MYCBP2: variants seen among roughly 807,000 people sequenced by gnomAD.
MYCBP2 encodes the protein MYC binding protein 2.
MYCBP2 carries 120 observed loss-of-function variants against 525.3 expected under a neutral mutation model. The observed-to-expected ratio is 0.23, with a 90% CI of 0.20 to 0.27. The LOEUF is 0.27. Ranked by LOEUF, MYCBP2 falls within the 10% of genes least tolerant of loss-of-function variation. MYCBP2 has a pLI of 1.00. For missense variants in MYCBP2, 4,149 were observed against 5,657.1 expected, an observed-to-expected ratio of 0.73 and a Z score of 8.55; for synonymous variants, 1,894 against 1,955.8, an observed-to-expected ratio of 0.97 and a Z score of 0.83.
intron 24 of MYCBP2, 112 bp from the exon 25 acceptor site, chr13:77,205,710 C>T (rs2063247556): frequency 2.3e-6 from 2 of 878,694 alleles, no homozygotes; most frequent in African/African-American, 3.4e-5. Context: ...CAGAATGTTA[C>T]TCCAAGCTTT....
At chr13:77,289,826 A>C (rs1236587786) in intron 2 of MYCBP2, among the ~76,000 whole-genome samples, 1 of 152,232 alleles carries the variant, frequency 6.6e-6, no homozygotes, top group Non-Finnish European at 1.5e-5. Context: ...AATAGTATGC[A>C]GATTTAACAA....
At chr13:77,254,760 C>G (rs2071862767) in intron 14 of MYCBP2, among the ~76,000 whole-genome samples, 1 of 151,890 alleles carries the variant, frequency 6.6e-6, no homozygotes, top group Non-Finnish European at 1.5e-5. Flanking sequence ...TCCTCTCCCC[C>G]TCCCACTATC....
intron 44 of MYCBP2, among the ~76,000 whole-genome samples, chr13:77,158,571 T>C (rs1475510927): frequency 1.3e-5 from 2 of 152,168 alleles, no homozygotes; most frequent in African/African-American, 4.8e-5. Flanking sequence ...GCCTCCCAAG[T>C]AGCTGGGACT....
chr13:77,289,116 A>G (rs1202696216), intron 2 of MYCBP2, among the ~76,000 whole-genome samples: 1 of 152,156 alleles, frequency 6.6e-6, no homozygotes, highest in Non-Finnish European at 1.5e-5. Context: ...ATGTCCAGGA[A>G]GTATCTAAGA....
intron 69 of MYCBP2, among the ~76,000 whole-genome samples, chr13:77,069,307 T>C (rs997496123): frequency 1.3e-4 from 20 of 152,170 alleles, no homozygotes; most frequent in Admixed American, 9.2e-4. Flanking sequence ...TTGTAGTTCA[T>C]TGAAAAGAAT....
At chr13:77,250,243 A>C (rs1228060709) in intron 15 of MYCBP2, among the ~76,000 whole-genome samples, 2 of 150,280 alleles carry the variant, frequency 1.3e-5, no homozygotes, top group African/African-American at 4.9e-5. Context: ...AAAAAATCAT[A>C]TCTCAGCAGC....
intron 1 of MYCBP2, among the ~76,000 whole-genome samples, chr13:77,316,674 C>T (rs917356055): frequency 2.1e-5 from 3 of 144,868 alleles, no homozygotes; most frequent in Admixed American, 6.9e-5. Flanking sequence ...CCACTACAGA[C>T]GGTAAAATTG....
intron 14 of MYCBP2, among the ~76,000 whole-genome samples, chr13:77,254,347 G>C (rs2071773766): frequency 6.6e-6 from 1 of 151,804 alleles, no homozygotes; most frequent in South Asian, 2.1e-4. Flanking sequence ...TTGGAAGGGG[G>C]ATATGGGGCA....
At chr13:77,222,074 T>C (rs2065670081) in intron 20 of MYCBP2, among the ~76,000 whole-genome samples, 1 of 152,176 alleles carries the variant, frequency 6.6e-6, no homozygotes, top group African/African-American at 2.4e-5. Flanking sequence ...GGCCTAACTA[T>C]GTTTTCTGTC....
chr13:77,297,635 TAGAA>T (rs2078334096), intron 1 of MYCBP2, among the ~76,000 whole-genome samples: 1 of 152,040 alleles, frequency 6.6e-6, no homozygotes, highest in South Asian at 2.1e-4. Context: ...ATAGAGAAGT[TAGAA>T]GGAAGAGTTA....
At chr13:77,199,487 G>A (rs2062193763) in intron 26 of MYCBP2, among the ~76,000 whole-genome samples, 1 of 152,238 alleles carries the variant, frequency 6.6e-6, no homozygotes, top group Non-Finnish European at 1.5e-5. Flanking sequence ...CATTGCCCAG[G>A]CTTGCTTAGG....
intron 3 of MYCBP2, among the ~76,000 whole-genome samples, chr13:77,280,481 A>G (rs555519318): frequency 3.9e-5 from 6 of 152,364 alleles, no homozygotes; most frequent in Admixed American, 2.0e-4. Flanking sequence ...TCTCAAGCCA[A>G]TGGAAGACTA....
intron 8 of MYCBP2, among the ~76,000 whole-genome samples, chr13:77,265,111 C>T (rs894378460): frequency 7.2e-5 from 11 of 152,180 alleles, no homozygotes; most frequent in African/African-American, 2.6e-4. Context: ...ATGCAAAACA[C>T]AGGCAGACCC....
At chr13:77,314,399 CA>C (rs1384039854) in intron 1 of MYCBP2, among the ~76,000 whole-genome samples, 1 of 152,150 alleles carries the variant, frequency 6.6e-6, no homozygotes, top group African/African-American at 2.4e-5. Context: ...GGTGAACAGA[CA>C]AATTCTGGTA....
At chr13:77,202,379 A>T (rs544152093) in intron 26 of MYCBP2, among the ~76,000 whole-genome samples, 12 of 152,128 alleles carry the variant, frequency 7.9e-5, no homozygotes, top group Non-Finnish European at 2.9e-5. Context: ...CAATAACAGG[A>T]TCTGAAATTG....
chr13:77,286,737 C>CA, intron 3 of MYCBP2, among the ~76,000 whole-genome samples: 1 of 77,402 alleles, frequency 1.3e-5, no homozygotes, highest in African/African-American at 5.5e-5. Context: ...GCCTGGGCAA[C>CA]AGAGCTAGAC....
Position 77,263,685 on chromosome 13 carries a change from T to A in MYCBP2, c.1536A>T (p.Ser512=). The A allele has an allele frequency of 6.2e-7, 1 of 1,612,090 alleles. No homozygotes were observed. The highest frequency in any genetic ancestry group is 1.3e-5 in the African/African-American group (1 of 74,980). Residue 512 remains serine, a synonymous_variant, in exon 10 of 83, where the codon TCA becomes TCT. Transcript: ENST00000544440. ...ARKCLHACGI[S]LFDLEKDLHI... ...GCAAGTCCTTTTCCAGATCGAATAGTGAGATACCACAGGCATGTAAGCATT... is the reference window on the plus strand; with the variant it reads ...GCAAGTCCTTTTCCAGATCGAATAGAGAGATACCACAGGCATGTAAGCATT...
chr13:77,316,559 T>C (rs929707098), intron 1 of MYCBP2, among the ~76,000 whole-genome samples: 2 of 152,238 alleles, frequency 1.3e-5, no homozygotes, highest in African/African-American at 4.8e-5. Flanking sequence ...TAGGATTCAC[T>C]TGCTTCAAAT....
At chr13:77,242,903 T>C (rs80001232) in intron 17 of MYCBP2, among the ~76,000 whole-genome samples, 156 bp downstream of exon 17, 4,489 of 152,298 alleles carry the variant, frequency 0.029, 95 homozygotes, top group East Asian at 0.053. Context: ...ATGAATACCC[T>C]GAATATTTTC....
Sources: allele counts gnomAD v4.1 joint callset (sites outside exome capture counted in the v4.1 genomes callset), GRCh38; gene constraint gnomAD v4.1.1; transcripts MANE v1.5; gene names NCBI Gene and HGNC (gene_info 2026-07-23, HGNC 2026-07-21).